Variants in ROBO1 observed in about 807,000 individuals in gnomAD.
ROBO1 encodes the protein roundabout homolog 1.
ROBO1 carries 149 observed loss-of-function variants against 195.9 expected under a neutral mutation model. That is an observed-to-expected ratio of 0.76 (90% CI 0.67 to 0.87). The LOEUF is 0.87. Among genes scored for constraint, ROBO1 ranks in the 40% least tolerant of loss-of-function variants. The pLI, the probability that ROBO1 is intolerant of heterozygous loss-of-function variation, is 0.00. For missense variants in ROBO1, 1,933 were observed against 2,068.3 expected (o/e 0.93, Z 1.27); for synonymous variants, 816 against 733.2 (o/e 1.11, Z -1.82).
At chr3:79,082,895 C>T (rs957873363) in intron 3 of ROBO1, among the ~76,000 whole-genome samples, 2 of 152,114 alleles carry the variant, frequency 1.3e-5, no homozygotes, top group African/African-American at 4.8e-5. Context: ...TTATTTTTAG[C>T]TCCCTAGGAA....
chr3:79,570,351 A>C lies in ROBO1; in HGVS notation c.88+19473T>G, dbSNP rs546308069. ...ACGTCCCTGCTTAGGCTTCCAAGAG[A>C]GAAAGTTTCAATTTTTTGATCAGAA... On this transcript the variant is annotated intron_variant, in intron 2 of 30. Coordinates refer to ENST00000464233, the MANE Select transcript of ROBO1 (RefSeq NM_002941.4). Among the ~76,000 whole-genome samples the C allele has an allele frequency of 3.9e-5, 6 of 152,106 alleles. No individual in the cohort carries two copies. The South Asian group carries it at 1.0e-3, about 26-fold the overall frequency.
chr3:78,649,867 G>C (rs1706537138), intron 19 of ROBO1, among the ~76,000 whole-genome samples: 1 of 152,118 alleles, frequency 6.6e-6, no homozygotes, highest in African/African-American at 2.4e-5. Context: ...CGTTAGTAAA[G>C]AAAAAGAAAC....
intron 5 of ROBO1, among the ~76,000 whole-genome samples, chr3:78,742,922 T>C (rs112640200): frequency 8.8e-4 from 134 of 152,296 alleles, no homozygotes; most frequent in African/African-American, 2.7e-3. Flanking sequence ...GAAGATTCTA[T>C]AATAAATTAC....
chr3:79,670,222 A>T (rs1052029846), intron 1 of ROBO1, among the ~76,000 whole-genome samples: 1 of 151,952 alleles, frequency 6.6e-6, no homozygotes, highest in Admixed American at 6.6e-5. Context: ...CAGGTAATTT[A>T]ACCTAAGTCA....
At chr3:78,645,337 A>G (rs2107589256) in intron 21 of ROBO1, among the ~76,000 whole-genome samples, 1 of 151,898 alleles carries the variant, frequency 6.6e-6, no homozygotes, top group Non-Finnish European at 1.5e-5. Flanking sequence ...CAGTCATGTT[A>G]TACAGCTGTA....
chr3:78,881,912 CAT>C (rs2036203166), intron 4 of ROBO1, among the ~76,000 whole-genome samples: 1 of 152,092 alleles, frequency 6.6e-6, no homozygotes, highest in South Asian at 2.1e-4. Flanking sequence ...GAAAAAAATA[CAT>C]AGAGGTTATG....
chr3:79,401,693 T>C (rs569760590), intron 2 of ROBO1, among the ~76,000 whole-genome samples: 1 of 152,028 alleles, frequency 6.6e-6, no homozygotes, highest in South Asian at 2.1e-4. Context: ...GTGTACTAAC[T>C]ATGCTTCTTA....
chr3:79,312,648 C>T (rs938296753), intron 2 of ROBO1, among the ~76,000 whole-genome samples: 3 of 152,138 alleles, frequency 2.0e-5, no homozygotes, highest in East Asian at 3.9e-4. Context: ...GTCTTCAGGC[C>T]TCTCTGAACT....
chr3:78,643,093 C>G (rs1706066507), intron 21 of ROBO1, among the ~76,000 whole-genome samples: 1 of 152,086 alleles, frequency 6.6e-6, no homozygotes, highest in Non-Finnish European at 1.5e-5. Context: ...TCTGCATCCT[C>G]CAGGAACTCA....
In ROBO1 at chr3:78,869,347, A is replaced by G. The variant is rs79757332; in HGVS notation, c.499+69254T>C. On this transcript the variant is annotated intron_variant, in intron 4 of 30. Transcript: ENST00000464233. Reference sequence around the variant, plus strand: ...AAAATTTTATATTTGCTTTCTACCCACAAACAATACATTTTAAACAAACGT... The same window carrying G: ...AAAATTTTATATTTGCTTTCTACCCGCAAACAATACATTTTAAACAAACGT... Among the ~76,000 whole-genome samples, 1,129 of 152,306 alleles carry G rather than the reference A, an allele frequency of 7.4e-3. 15 individuals carry two copies. The highest frequency in any genetic ancestry group is 0.024 in the African/African-American group (1,010 of 41,562).
chr3:78,742,700 T>A (rs187445565), intron 5 of ROBO1, among the ~76,000 whole-genome samples: 1 of 152,196 alleles, frequency 6.6e-6, no homozygotes, highest in Non-Finnish European at 1.5e-5. Context: ...AACACCATCA[T>A]GGATCATCAT....
At chr3:78,713,530 C>T (rs1397163849) in intron 8 of ROBO1, among the ~76,000 whole-genome samples, 3 of 151,648 alleles carry the variant, frequency 2.0e-5, no homozygotes, top group African/African-American at 7.3e-5. Flanking sequence ...AAGGTCATTG[C>T]CTCTGAAATT....
At chr3:79,509,509 A>G (rs1030886102) in intron 2 of ROBO1, among the ~76,000 whole-genome samples, 9 of 152,168 alleles carry the variant, frequency 5.9e-5, no homozygotes, top group African/African-American at 2.2e-4. Flanking sequence ...CTATAATTCT[A>G]GGAACAGTCT....
chr3:79,537,265 C>CA (rs1326749289), intron 2 of ROBO1, among the ~76,000 whole-genome samples: 1 of 152,000 alleles, frequency 6.6e-6, no homozygotes, highest in East Asian at 1.9e-4. Flanking sequence ...TAGATTCCTC[C>CA]AAAAACAGAT....
intron 1 of ROBO1, among the ~76,000 whole-genome samples, chr3:79,607,455 T>G (rs1033734195): frequency 1.3e-5 from 2 of 151,692 alleles, no homozygotes; most frequent in Admixed American, 1.3e-4. Context: ...TAAGACTAAC[T>G]TAAGGGTATC....
At chr3:78,997,182 C>A (rs570671314) in intron 3 of ROBO1, among the ~76,000 whole-genome samples, 39 of 152,276 alleles carry the variant, frequency 2.6e-4, no homozygotes, top group Non-Finnish European at 3.7e-4. Context: ...TTTTCTCCTT[C>A]CTCCACTCCA....
chr3:79,399,269 C>T (rs2037271090), intron 2 of ROBO1, among the ~76,000 whole-genome samples: 1 of 152,112 alleles, frequency 6.6e-6, no homozygotes, highest in African/African-American at 2.4e-5. Context: ...ACTCAAACTC[C>T]TGCAAGTTGC....
At chr3:79,327,218 A>C (rs1027979183) in intron 2 of ROBO1, among the ~76,000 whole-genome samples, 1 of 152,082 alleles carries the variant, frequency 6.6e-6, no homozygotes, top group Non-Finnish European at 1.5e-5. Context: ...TTTGAAGAAA[A>C]ATACTATGAG....
intron 3 of ROBO1, among the ~76,000 whole-genome samples, chr3:78,941,077 A>G (rs2040109610): frequency 1.3e-5 from 2 of 152,238 alleles, no homozygotes; most frequent in African/African-American, 4.8e-5. Flanking sequence ...TACTCCAATT[A>G]ATGTTTTTCT....
Sources: allele counts gnomAD v4.1 joint callset (sites outside exome capture counted in the v4.1 genomes callset), GRCh38; gene constraint gnomAD v4.1.1; transcripts MANE v1.5; gene names NCBI Gene and HGNC (gene_info 2026-07-23, HGNC 2026-07-21).